EFCAB6: variants seen among roughly 807,000 people sequenced by gnomAD.
The protein encoded by EFCAB6 is EF-hand calcium binding domain 6.
Under a neutral mutation model 169.8 loss-of-function variants are expected in EFCAB6, and 156 were observed. That is an observed-to-expected ratio of 0.92 (90% CI 0.81 to 1.05). EFCAB6 has a LOEUF of 1.05. Among genes scored for constraint, EFCAB6 ranks in the 50% least tolerant of loss-of-function variants. The probability of loss-of-function intolerance (pLI) is 0.00; values close to 1 mark genes in which losing one functional copy is unlikely to be tolerated. For synonymous variants in EFCAB6, 698 were observed against 676.4 expected, an observed-to-expected ratio of 1.03 and a Z score of -0.50; for missense variants, 1,800 against 1,829.1, an observed-to-expected ratio of 0.98 and a Z score of 0.29.
At chr22:43,577,569 G>A (rs1046563505) in intron 25 of EFCAB6, among the ~76,000 whole-genome samples, 23 of 152,158 alleles carry the variant, frequency 1.5e-4, no homozygotes, top group Non-Finnish European at 2.6e-4. Context: ...CTTCTTTACT[G>A]TAAAGATGGA....
intron 2 of EFCAB6, among the ~76,000 whole-genome samples, chr22:43,790,731 T>C (rs2062252946): frequency 6.6e-6 from 1 of 152,228 alleles, no homozygotes; most frequent in Admixed American, 6.5e-5. Flanking sequence ...TCTGGCTGTA[T>C]GTCACGAATA....
At chr22:43,678,792 T>C (rs1158938631) in intron 12 of EFCAB6, among the ~76,000 whole-genome samples, 1 of 152,182 alleles carries the variant, frequency 6.6e-6, no homozygotes, top group African/African-American at 2.4e-5. Flanking sequence ...ATACTGTTTA[T>C]TGGAAAGACA....
At chr22:43,612,183 G>C (rs1182193685) in intron 21 of EFCAB6, among the ~76,000 whole-genome samples, 1 of 152,020 alleles carries the variant, frequency 6.6e-6, no homozygotes, top group African/African-American at 2.4e-5. Flanking sequence ...AACTCAAGAT[G>C]AATAAAAGAC....
intron 28 of EFCAB6, among the ~76,000 whole-genome samples, chr22:43,538,655 G>C (rs2047525638): frequency 6.6e-6 from 1 of 152,276 alleles, no homozygotes; most frequent in East Asian, 1.9e-4. Context: ...CCAAAGTGCT[G>C]GGAGTACAGG....
chr22:43,715,132 T>A (rs1156414098), intron 9 of EFCAB6, among the ~76,000 whole-genome samples: 2 of 152,202 alleles, frequency 1.3e-5, no homozygotes, highest in Non-Finnish European at 2.9e-5. Context: ...CTCCAGCTCT[T>A]AATAGCTTTT....
At chr22:43,573,344 G>A (rs1478822714) in intron 26 of EFCAB6, among the ~76,000 whole-genome samples, 2 of 151,844 alleles carry the variant, frequency 1.3e-5, no homozygotes, top group African/African-American at 4.8e-5. Flanking sequence ...AAAAATGTTT[G>A]TTAAAAAAAA....
chr22:43,772,442 C>T (rs145773513), intron 4 of EFCAB6, among the ~76,000 whole-genome samples: 216 of 152,178 alleles, frequency 1.4e-3, no homozygotes, highest in African/African-American at 5.2e-3. Context: ...GAGTTCGAGA[C>T]CAGCCTGGAA....
intron 26 of EFCAB6, among the ~76,000 whole-genome samples, chr22:43,574,560 G>A (rs2050109173): frequency 6.6e-6 from 1 of 151,798 alleles, no homozygotes; most frequent in African/African-American, 2.4e-5. Context: ...TCATCGTGGG[G>A]TCTAGATTAC....
chr22:43,589,513 C>T (rs1315655357), intron 24 of EFCAB6, among the ~76,000 whole-genome samples: 2 of 151,756 alleles, frequency 1.3e-5, no homozygotes, highest in African/African-American at 2.4e-5. Flanking sequence ...GTTGGCTGGG[C>T]GCAGTGGCTC....
Position 43,568,327 on chromosome 22 carries a change from G to A in EFCAB6, c.3420+7970C>T, listed in dbSNP as rs535417610. Among the ~76,000 whole-genome samples the A allele has an allele frequency of 3.2e-4, 49 of 152,186 alleles. 1 individual carries two copies. The highest frequency in any genetic ancestry group is 5.6e-4 in the Non-Finnish European group (38 of 68,028). Reference sequence around the variant, plus strand: ...AAGATGCTGGTAACATCTGTATTTTGGATTTTCTCTGCAAGACTTATTTGG... The same window carrying A: ...AAGATGCTGGTAACATCTGTATTTTAGATTTTCTCTGCAAGACTTATTTGG... On this transcript the variant is annotated intron_variant, in intron 26 of 31. Transcript: ENST00000262726.
intron 17 of EFCAB6, among the ~76,000 whole-genome samples, chr22:43,644,898 A>G (rs2056055640): frequency 6.6e-6 from 1 of 152,224 alleles, no homozygotes; most frequent in South Asian, 2.1e-4. Flanking sequence ...AAAATAAGAA[A>G]ATGTAGTTAA....
chr22:43,805,720 TAAAGA>T (rs1305619851), intron 2 of EFCAB6, among the ~76,000 whole-genome samples: 6 of 152,164 alleles, frequency 3.9e-5, no homozygotes, highest in Non-Finnish European at 8.8e-5. Context: ...GGTTCTAACA[TAAAGA>T]AAAGACAAAT....
chr22:43,633,478 G>C (rs1360461657), intron 18 of EFCAB6, among the ~76,000 whole-genome samples: 4 of 152,220 alleles, frequency 2.6e-5, no homozygotes, highest in African/African-American at 9.6e-5. Context: ...AACCCAGGAG[G>C]CTGAGGTTGC....
At chr22:43,773,127 A>G (rs376285192) in intron 3 of EFCAB6, 24 bp from the exon 4 acceptor site, 54 of 1,610,936 alleles carry the variant, frequency 3.4e-5, no homozygotes, top group Non-Finnish European at 4.3e-5. Flanking sequence ...ACAGCTATTT[A>G]TTAAACATGT....
intron 2 of EFCAB6, among the ~76,000 whole-genome samples, chr22:43,803,645 C>A (rs951900416): frequency 5.3e-5 from 8 of 152,002 alleles, no homozygotes; most frequent in Non-Finnish European, 1.5e-5. Context: ...TATATGCACA[C>A]CATGCCAGAG....
chr22:43,538,687 C>G (rs1041975062), intron 28 of EFCAB6, among the ~76,000 whole-genome samples: 2 of 152,112 alleles, frequency 1.3e-5, no homozygotes, highest in Non-Finnish European at 2.9e-5. Flanking sequence ...GCACCCGGCT[C>G]CAGAGTGGTC....
chr22:43,670,833 G>A (rs1027307536), intron 15 of EFCAB6, among the ~76,000 whole-genome samples: 5 of 152,190 alleles, frequency 3.3e-5, no homozygotes, highest in Admixed American at 3.3e-4. Context: ...TCAAGGAGTG[G>A]AAAGCAGGTC....
chr22:43,674,823 C>T (rs766233277), intron 13 of EFCAB6, among the ~76,000 whole-genome samples: 2 of 152,060 alleles, frequency 1.3e-5, no homozygotes, highest in Non-Finnish European at 2.9e-5. Context: ...TTATTTGCAC[C>T]AGGTCACAGC....
chr22:43,686,774 A>G (rs561344525), intron 11 of EFCAB6, among the ~76,000 whole-genome samples: 20 of 152,188 alleles, frequency 1.3e-4, no homozygotes, highest in Non-Finnish European at 1.9e-4. Context: ...CTTTCAATGA[A>G]CGTGCCAAGA....
Sources: allele counts gnomAD v4.1 joint callset (sites outside exome capture counted in the v4.1 genomes callset), GRCh38; gene constraint gnomAD v4.1.1; transcripts MANE v1.5; gene names NCBI Gene and HGNC (gene_info 2026-07-23, HGNC 2026-07-21).